FHIT: variants seen among roughly 807,000 people sequenced by gnomAD.
FHIT encodes the protein bis(5'-adenosyl)-triphosphatase.
Under a neutral mutation model 17.9 loss-of-function variants are expected in FHIT, and 19 were observed. The observed-to-expected ratio is 1.06, with a 90% CI of 0.74 to 1.56. The LOEUF (loss-of-function observed/expected upper bound fraction) is 1.56. Ranked by LOEUF, FHIT falls within the 40% of genes most tolerant of loss-of-function variation. The probability of loss-of-function intolerance (pLI) is 0.00; values close to 1 mark genes in which losing one functional copy is unlikely to be tolerated. For missense variants in FHIT, 248 were observed against 189.2 expected (o/e 1.31, Z -1.82); for synonymous variants, 81 against 69.7 (o/e 1.16, Z -0.81).
chr3:59,844,261 C>A (rs910368862), intron 8 of FHIT, among the ~76,000 whole-genome samples: 34 of 152,086 alleles, frequency 2.2e-4, no homozygotes, highest in Non-Finnish European at 2.9e-5. Context: ...AATTTAATTT[C>A]TTCATTTTCA....
At chr3:59,920,920 A>T (rs1326651543) in intron 8 of FHIT, among the ~76,000 whole-genome samples, 2 of 152,202 alleles carry the variant, frequency 1.3e-5, no homozygotes, top group Non-Finnish European at 2.9e-5. Context: ...AAAGGTAGTC[A>T]TGCATCAGAG....
intron 5 of FHIT, among the ~76,000 whole-genome samples, chr3:60,479,101 A>C (rs1436462395): frequency 6.6e-6 from 1 of 152,210 alleles, no homozygotes; most frequent in Non-Finnish European, 1.5e-5. Flanking sequence ...ATTTGAAAAT[A>C]ATGTACTGCT....
At chr3:60,748,212 G>T (rs782584631) in intron 4 of FHIT, among the ~76,000 whole-genome samples, 6 of 152,288 alleles carry the variant, frequency 3.9e-5, no homozygotes, top group Non-Finnish European at 8.8e-5. Flanking sequence ...TTGCAGGCAA[G>T]GTAATTCTGT....
chr3:61,231,492 C>CG (rs2040100714), intron 1 of FHIT, among the ~76,000 whole-genome samples: 1 of 134,784 alleles, frequency 7.4e-6, no homozygotes. Flanking sequence ...CGGTCTCTTA[C>CG]GGAAAAAAAA....
chr3:60,820,575 T>G (rs1213512951), intron 4 of FHIT, among the ~76,000 whole-genome samples: 1 of 152,160 alleles, frequency 6.6e-6, no homozygotes, highest in Non-Finnish European at 1.5e-5. Context: ...GTTCTACAAC[T>G]CTAGGGGCAA....
At chr3:60,197,700 A>G (rs1016011620) in intron 5 of FHIT, among the ~76,000 whole-genome samples, 4 of 152,310 alleles carry the variant, frequency 2.6e-5, no homozygotes, top group Middle Eastern at 3.4e-3. Context: ...GAGGGGGTCA[A>G]ATGAAAAACA....
chr3:60,888,234 G>A (rs1214788665), intron 3 of FHIT, among the ~76,000 whole-genome samples: 2 of 152,132 alleles, frequency 1.3e-5, no homozygotes, highest in African/African-American at 2.4e-5. Flanking sequence ...ATATGCTAAA[G>A]CACCGCATTT....
At chr3:60,046,590 G>T (rs1701663618) in intron 5 of FHIT, among the ~76,000 whole-genome samples, 1 of 152,170 alleles carries the variant, frequency 6.6e-6, no homozygotes, top group Non-Finnish European at 1.5e-5. Flanking sequence ...AAGACAAACA[G>T]AGCTAGCCTC....
At chr3:59,893,570 G>A (rs571354118) in intron 8 of FHIT, among the ~76,000 whole-genome samples, 7 of 152,186 alleles carry the variant, frequency 4.6e-5, no homozygotes, top group South Asian at 2.1e-4. Flanking sequence ...TTATAAGTGC[G>A]CTGAACAGCA....
chr3:61,148,170 T>C (rs1432306720), intron 2 of FHIT, among the ~76,000 whole-genome samples: 1 of 152,062 alleles, frequency 6.6e-6, no homozygotes. Flanking sequence ...ACACACATCA[T>C]CTTTTAATGA....
chr3:60,259,208 G>A (rs1249998784), intron 5 of FHIT, among the ~76,000 whole-genome samples: 1 of 152,072 alleles, frequency 6.6e-6, no homozygotes, highest in Non-Finnish European at 1.5e-5. Context: ...GAAGAAGTGG[G>A]CAGAGACCTT....
At chr3:60,687,956 A>G (rs2040896270) in intron 4 of FHIT, among the ~76,000 whole-genome samples, 1 of 151,974 alleles carries the variant, frequency 6.6e-6, no homozygotes. Flanking sequence ...TCATCTAAAT[A>G]TTGCCAAGAT....
chr3:59,838,820 A>G (rs1401567739), intron 8 of FHIT, among the ~76,000 whole-genome samples: 1 of 152,102 alleles, frequency 6.6e-6, no homozygotes, highest in Admixed American at 6.5e-5. Context: ...TTTTTTGAGG[A>G]GCCCTAGATT....
At chr3:60,962,596 C>T (rs1411927422) in intron 3 of FHIT, among the ~76,000 whole-genome samples, 1 of 152,108 alleles carries the variant, frequency 6.6e-6, no homozygotes, top group East Asian at 1.9e-4. Context: ...TATTTTCAGA[C>T]ACGTCCCATC....
At chr3:60,781,573 T>C (rs1399456927) in intron 4 of FHIT, among the ~76,000 whole-genome samples, 5 of 152,320 alleles carry the variant, frequency 3.3e-5, no homozygotes, top group East Asian at 3.9e-4. Flanking sequence ...TAAAATTGGA[T>C]ACATTTATAG....
At chr3:60,757,201 G>A (rs534460659) in intron 4 of FHIT, among the ~76,000 whole-genome samples, 1 of 152,162 alleles carries the variant, frequency 6.6e-6, no homozygotes, top group South Asian at 2.1e-4. Context: ...TTTCACTATT[G>A]CATAAATGGG....
intron 4 of FHIT, among the ~76,000 whole-genome samples, chr3:60,611,718 C>A (rs762406912): frequency 6.6e-6 from 1 of 152,180 alleles, no homozygotes; most frequent in Admixed American, 6.5e-5. Flanking sequence ...ACCTCTGTCA[C>A]TGAACTACTG....
chr3:61,057,511 G>T (rs1453028257), intron 2 of FHIT, among the ~76,000 whole-genome samples: 1 of 151,964 alleles, frequency 6.6e-6, no homozygotes, highest in African/African-American at 2.4e-5. Flanking sequence ...GAAGGGAGAT[G>T]AATATCTTTG....
chr3:60,678,719 A>G (rs2040678112), intron 4 of FHIT, among the ~76,000 whole-genome samples: 1 of 152,134 alleles, frequency 6.6e-6, no homozygotes, highest in Admixed American at 6.6e-5. Flanking sequence ...CAGAGCTCTC[A>G]GTTTCCAAGA....
Sources: gnomAD v4.1 joint callset for allele counts (sites outside exome capture counted in the v4.1 genomes callset) on GRCh38, gnomAD v4.1.1 for gene constraint, MANE v1.5 for transcripts, NCBI Gene and HGNC (gene_info 2026-07-23, HGNC 2026-07-21) for gene names.